The following SEL1L2 variants were observed in gnomAD, a reference collection of about 807,000 sequenced individuals.
SEL1L2 encodes the protein protein sel-1 homolog 2.
Under a neutral mutation model 98.8 loss-of-function variants are expected in SEL1L2, and 89 were observed. The observed-to-expected ratio is 0.90, with a 90% confidence interval of 0.76 to 1.07. The LOEUF is 1.07. SEL1L2 is among the 50% of genes least tolerant of loss of function. The probability of loss-of-function intolerance (pLI) is 0.00; values close to 1 mark genes in which losing one functional copy is unlikely to be tolerated. For missense variants in SEL1L2, 788 were observed against 812.0 expected (o/e 0.97, Z 0.36); for synonymous variants, 262 against 278.5 (o/e 0.94, Z 0.59).
chr20:13,907,742 C>CTTTTCT (rs111587079), intron 5 of SEL1L2, among the ~76,000 whole-genome samples: 842 of 83,522 alleles, frequency 0.01, 9 homozygotes, highest in African/African-American at 0.021. Context: ...TTCTTTCTTT[C>CTTTTCT]TTTCTTTTCT....
chr20:13,865,268 A>T (rs1471971991), intron 16 of SEL1L2, 27 bp from the exon 17 acceptor site: 4 of 1,610,856 alleles, frequency 2.5e-6, no homozygotes. Flanking sequence ...TTCCATTAGG[A>T]AGGCTTAAAA....
chr20:13,978,711 A>G (rs1432826918), intron 1 of SEL1L2, among the ~76,000 whole-genome samples: 1 of 152,136 alleles, frequency 6.6e-6, no homozygotes, highest in Non-Finnish European at 1.5e-5. Context: ...ATAAGTATAC[A>G]AATAAAAAAT....
intron 2 of SEL1L2, among the ~76,000 whole-genome samples, chr20:13,932,134 A>G (rs2049172204): frequency 6.6e-6 from 1 of 152,158 alleles, no homozygotes; most frequent in South Asian, 2.1e-4. Context: ...ATATTGCCTT[A>G]CACATTACAA....
intron 1 of SEL1L2, among the ~76,000 whole-genome samples, chr20:13,968,879 G>GA (rs928960017): frequency 6.6e-6 from 1 of 152,100 alleles, no homozygotes; most frequent in Non-Finnish European, 1.5e-5. Flanking sequence ...TTCCAATGTT[G>GA]AAAAAACTGT....
intron 2 of SEL1L2, among the ~76,000 whole-genome samples, chr20:13,953,947 T>C (rs1453029544): frequency 6.6e-6 from 1 of 152,218 alleles, no homozygotes; most frequent in African/African-American, 2.4e-5. Context: ...GTTTATTACC[T>C]CTGTAATCAG....
At chr20:13,978,006 T>A (rs192383057) in intron 1 of SEL1L2, among the ~76,000 whole-genome samples, 1 of 152,096 alleles carries the variant, frequency 6.6e-6, no homozygotes, top group Non-Finnish European at 1.5e-5. Flanking sequence ...AAAACAGCCA[T>A]TAATTTTGTG....
chr20:13,929,567 C>T (rs2049045621), intron 3 of SEL1L2, among the ~76,000 whole-genome samples: 3 of 134,298 alleles, frequency 2.2e-5, no homozygotes. Flanking sequence ...CCGATCTCAG[C>T]TCAGCTCACT....
At chr20:13,930,027 G>T (rs1301107995) in intron 3 of SEL1L2, among the ~76,000 whole-genome samples, 1 of 152,194 alleles carries the variant, frequency 6.6e-6, no homozygotes, top group Non-Finnish European at 1.5e-5. Context: ...CTGAGCTTAG[G>T]CAATCCGCCC....
chr20:13,942,971 A>G (rs1432651227), intron 2 of SEL1L2, among the ~76,000 whole-genome samples: 1 of 152,170 alleles, frequency 6.6e-6, no homozygotes, highest in Non-Finnish European at 1.5e-5. Flanking sequence ...CTCAGGATAC[A>G]TTTTCCTAAC....
At chr20:13,990,618 G>A (rs1377538915), upstream of SEL1L2, 2 of 1,046,878 alleles carry the variant, frequency 1.9e-6, no homozygotes, top group Non-Finnish European at 2.9e-6. Context: ...AGGGACTGTG[G>A]TGGGGGCAGG....
intron 4 of SEL1L2, among the ~76,000 whole-genome samples, chr20:13,914,288 A>G (rs2048316397): frequency 6.6e-6 from 1 of 152,228 alleles, no homozygotes; most frequent in African/African-American, 2.4e-5. Flanking sequence ...TTTTTCTAAA[A>G]TACTGAACTC....
chr20:13,860,292 G>A (rs546406011), intron 17 of SEL1L2, among the ~76,000 whole-genome samples: 1 of 152,126 alleles, frequency 6.6e-6, no homozygotes, highest in Non-Finnish European at 1.5e-5. Flanking sequence ...CTTTTCAAAA[G>A]TGTGTTCTAT....
chr20:13,849,334 T>C lies in SEL1L2; in HGVS notation c.*151A>G, dbSNP rs1987825170. On this transcript the variant is annotated 3_prime_UTR_variant, in exon 20 of 20. Transcript: ENST00000284951. ...AGCAGGAAGTCTGAAGTTGTTTCTC[T>C]AGGATGGTCCCCAAGTCTTGTCTGT... is the stretch of plus-strand genomic sequence containing the variant. 6.1e-6 allele frequency: 6 copies of C among 985,284 alleles called. No individual in the cohort carries two copies. Among genetic ancestry groups the C allele is most frequent in the Middle Eastern group, 2.3e-4 (1 of 4,288 alleles). 61.0% of individuals were successfully genotyped at this position (985,284 alleles called of 1,614,324 possible).
intron 5 of SEL1L2, among the ~76,000 whole-genome samples, chr20:13,908,103 CTTTTTTTTTTTTTTT>C (rs71188195): frequency 1.1e-4 from 3 of 26,724 alleles, no homozygotes; most frequent in Non-Finnish European, 1.8e-4. Flanking sequence ...TTTCTTGGTT[CTTTTTTTTTTTTTTT>C]TTTTTTTTTT....
chr20:13,870,111 A>G (rs746820603), intron 13 of SEL1L2, 30 bp downstream of exon 13: 17 of 1,474,620 alleles, frequency 1.2e-5, no homozygotes, highest in Non-Finnish European at 1.6e-5. Flanking sequence ...ATTGCTACAA[A>G]TAAAAAGATA....
intron 5 of SEL1L2, among the ~76,000 whole-genome samples, chr20:13,900,655 G>A (rs1279216017): frequency 6.6e-6 from 1 of 152,138 alleles, no homozygotes; most frequent in Non-Finnish European, 1.5e-5. Flanking sequence ...CCGCCGCTGT[G>A]CCTGTGCGGC....
At chr20:13,907,082 ATC>A (rs1337684622) in intron 5 of SEL1L2, among the ~76,000 whole-genome samples, 2 of 152,232 alleles carry the variant, frequency 1.3e-5, no homozygotes, top group Non-Finnish European at 2.9e-5. Flanking sequence ...AAACACTCAT[ATC>A]TTTTTCTTTT....
intron 1 of SEL1L2, among the ~76,000 whole-genome samples, chr20:13,984,625 C>A (rs538673904): frequency 2.6e-5 from 4 of 152,124 alleles, no homozygotes; most frequent in African/African-American, 9.7e-5. Context: ...ACAGTGACAT[C>A]CAATCCTCTA....
intron 3 of SEL1L2, chr20:13,928,174 C>T (rs2048978912): frequency 2.0e-5 from 3 of 152,220 alleles, no homozygotes; most frequent in Non-Finnish European, 4.4e-5. Context: ...TTTCTTGCTC[C>T]TCACATCTGC....
Sources: allele counts gnomAD v4.1 joint callset (sites outside exome capture counted in the v4.1 genomes callset), GRCh38; gene constraint gnomAD v4.1.1; transcripts MANE v1.5; gene names NCBI Gene and HGNC (gene_info 2026-07-23, HGNC 2026-07-21).